SRP54: variants seen among roughly 807,000 people sequenced by gnomAD.
The protein encoded by SRP54 is signal recognition particle subunit SRP54.
Under a neutral mutation model 64.8 loss-of-function variants are expected in SRP54, and 10 were observed. The ratio of observed to expected loss-of-function variants is 0.15; its 90% confidence interval spans 0.10 to 0.26. The LOEUF (loss-of-function observed/expected upper bound fraction) is 0.26, where lower values mean the gene tolerates loss of function less well. SRP54 is among the 10% of genes least tolerant of loss of function. SRP54 has a pLI of 1.00. For synonymous variants in SRP54, 193 were observed against 185.6 expected (o/e 1.04, Z -0.32); for missense variants, 325 against 613.7 (o/e 0.53, Z 4.97).
chr14:34,989,257 G>C (rs989227906), intron 1 of SRP54, among the ~76,000 whole-genome samples: 4 of 152,142 alleles, frequency 2.6e-5, no homozygotes, highest in Admixed American at 2.0e-4. Context: ...TATAATCCGA[G>C]CACTTTGGGA....
chr14:35,013,564 C>A, intron 9 of SRP54, 70 bp downstream of exon 9: 2 of 1,469,956 alleles, frequency 1.4e-6, no homozygotes, highest in South Asian at 1.2e-5. Context: ...TTATAGCTTT[C>A]ATATTGATCA....
At chr14:35,007,935 G>A (rs901168387) in intron 5 of SRP54, among the ~76,000 whole-genome samples, 5 of 151,036 alleles carry the variant, frequency 3.3e-5, no homozygotes, top group African/African-American at 1.2e-4. Flanking sequence ...TTTGTAAGAA[G>A]GTAGACATCT....
At position 34,998,995 on chromosome 14, in the gene SRP54, GTGTGTGTGTGTGTGTGTGGTT is replaced by G. The variant is rs1253449009; in HGVS notation, c.79-561_79-541del. On this transcript the variant is annotated intron_variant, in intron 2 of 15. Coordinates refer to ENST00000216774, the MANE Select transcript of SRP54 (RefSeq NM_003136.4). ...TGTATGTGTGTGTGTGTGTGTGTGTGTGTGTGTGTGTGTGTGTGGTTTTTTTTTTTTTTTTTTGAGACAAAG... is the reference window on the plus strand; with the variant it reads ...TGTATGTGTGTGTGTGTGTGTGTGTGTTTTTTTTTTTTTTTTGAGACAAAG... Among the ~76,000 whole-genome samples the G allele has an allele frequency of 3.2e-5, 3 of 93,556 alleles. 1 individual carries two copies. The highest frequency in any genetic ancestry group is 9.2e-3 in the Middle Eastern group (2 of 218). 61.4% of individuals were successfully genotyped at this position (93,556 alleles called of 152,430 possible). A position where few individuals can be genotyped will look rare whatever the true frequency, so the allele number is the denominator to read the frequency against.
At chr14:34,987,230 GAAAA>G (rs199590717) in intron 1 of SRP54, among the ~76,000 whole-genome samples, 27 of 124,310 alleles carry the variant, frequency 2.2e-4, no homozygotes, top group South Asian at 7.6e-4. Context: ...CACTACATCT[GAAAA>G]AAAAAAAAAA....
At chr14:34,997,927 C>G (rs544379799) in intron 2 of SRP54, among the ~76,000 whole-genome samples, 1 of 151,642 alleles carries the variant, frequency 6.6e-6, no homozygotes, top group East Asian at 1.9e-4. Flanking sequence ...CCCTTATGTT[C>G]TTTGTGTTTA....
chr14:34,992,559 T>G (rs2138967141), intron 1 of SRP54, among the ~76,000 whole-genome samples: 2 of 152,298 alleles, frequency 1.3e-5, no homozygotes, highest in South Asian at 2.1e-4. Context: ...AAGTATCTCA[T>G]GTTCTCACTT....
chr14:34,985,317 A>T (rs995848069), intron 1 of SRP54, among the ~76,000 whole-genome samples: 2 of 152,194 alleles, frequency 1.3e-5, no homozygotes, highest in Admixed American at 6.6e-5. Flanking sequence ...CCTCTTCTCT[A>T]TTAACTCCTC....
chr14:35,017,020 A>C (rs1411763371), intron 11 of SRP54, among the ~76,000 whole-genome samples: 1 of 151,884 alleles, frequency 6.6e-6, no homozygotes, highest in Non-Finnish European at 1.5e-5. Context: ...ACGCCCGGCT[A>C]ATTTTTGCAT....
At chr14:35,017,641 C>A (rs980767462) in intron 11 of SRP54, among the ~76,000 whole-genome samples, 2 of 151,402 alleles carry the variant, frequency 1.3e-5, no homozygotes, top group Non-Finnish European at 2.9e-5. Flanking sequence ...AAAATACTTT[C>A]TCTTTTGGCT....
intron 8 of SRP54, 75 bp downstream of exon 8, chr14:35,011,734 C>T: frequency 1.6e-6 from 2 of 1,276,058 alleles, no homozygotes; most frequent in East Asian, 2.6e-5. Flanking sequence ...GAGTATATGA[C>T]CAATATAAAT....
chr14:34,999,661 C>A lies in SRP54; in HGVS notation c.170+12C>A. Reference sequence around the variant, plus strand: ...AGAGAAAATGTTAAGTAAGTTAAATCAATCAGGTAAAACACAGGCACAGTT... The same window carrying A: ...AGAGAAAATGTTAAGTAAGTTAAATAAATCAGGTAAAACACAGGCACAGTT... On this transcript the variant is annotated intron_variant, in intron 3 of 15. Coordinates refer to ENST00000216774, the MANE Select transcript of SRP54 (RefSeq NM_003136.4). The A allele has an allele frequency of 1.3e-6, 2 of 1,580,292 alleles. No individual in the cohort carries two copies. Among genetic ancestry groups the A allele is most frequent in the South Asian group, 2.2e-5 (2 of 90,306 alleles).
chr14:35,000,853 C>A, intron 3 of SRP54, 83 bp from the exon 4 acceptor site: 3 of 640,850 alleles, frequency 4.7e-6, no homozygotes, highest in Non-Finnish European at 7.7e-6. Flanking sequence ...GTTGTACATT[C>A]TTTGGAGCAG....
chr14:35,001,300 C>T (rs2044168591), intron 4 of SRP54, among the ~76,000 whole-genome samples: 1 of 151,494 alleles, frequency 6.6e-6, no homozygotes, highest in South Asian at 2.1e-4. Flanking sequence ...TACAGACGTG[C>T]ACCACCATGC....
At chr14:35,009,231 CTT>C (rs2044316047) in intron 7 of SRP54, among the ~76,000 whole-genome samples, 1 of 151,378 alleles carries the variant, frequency 6.6e-6, no homozygotes, top group Admixed American at 6.6e-5. Context: ...AAGACCCTGT[CTT>C]ATAAAATATC....
chr14:35,002,799 A>G (rs1410541835), intron 4 of SRP54, among the ~76,000 whole-genome samples: 3 of 127,016 alleles, frequency 2.4e-5, no homozygotes, highest in Non-Finnish European at 4.7e-5. Context: ...GCTGGAGTGT[A>G]GTGGTGCAAT....
Position 35,018,938 on chromosome 14 carries a change from A to G in SRP54, c.1048-28A>G, listed in dbSNP as rs141141415. 6.4e-4 allele frequency: 1,015 copies of G among 1,589,856 alleles called. 9 individuals are homozygous for G. In the African/African-American group the frequency reaches 0.013, roughly 20 times the overall value. On this transcript the variant is annotated intron_variant, in intron 12 of 15. Coordinates refer to ENST00000216774, the MANE Select transcript of SRP54 (RefSeq NM_003136.4). ...TTTGAACCATTAATCTTAAGCTACTATTGACTTTATGTTTAAATCTGTTGT... is the reference window on the plus strand; with the variant it reads ...TTTGAACCATTAATCTTAAGCTACTGTTGACTTTATGTTTAAATCTGTTGT...
intron 8 of SRP54, among the ~76,000 whole-genome samples, chr14:35,013,043 AAGTGATTCTCCTGCCTGAGCC>A: frequency 6.7e-6 from 1 of 148,864 alleles, no homozygotes; most frequent in South Asian, 2.1e-4. Flanking sequence ...TCCCGGGTTC[AAGTGATTCTCCTGCCTGAGCC>A]TCTCAAGTAG....
chr14:35,013,641 G>A (rs2044389581), intron 9 of SRP54, 147 bp downstream of exon 9: 1 of 1,145,824 alleles, frequency 8.7e-7, no homozygotes, highest in Non-Finnish European at 1.2e-6. Context: ...AAACAATTTT[G>A]GAGCCTGTCT....
intron 7 of SRP54, 82 bp from the exon 8 acceptor site, chr14:35,011,427 G>A (rs2044356194): frequency 8.5e-7 from 1 of 1,171,960 alleles, no homozygotes; most frequent in Non-Finnish European, 1.1e-6. Context: ...TTTCAAAATA[G>A]ATTATAGGTA....
Sources: allele counts gnomAD v4.1 joint callset (sites outside exome capture counted in the v4.1 genomes callset), GRCh38; gene constraint gnomAD v4.1.1; transcripts MANE v1.5; gene names NCBI Gene and HGNC (gene_info 2026-07-23, HGNC 2026-07-21).